Variants in PMFBP1 observed in about 807,000 individuals in gnomAD.
PMFBP1 encodes polyamine modulated factor 1 binding protein 1.
A neutral mutation model predicts 137.8 loss-of-function variants in PMFBP1; 131 were observed. That is an observed-to-expected ratio of 0.95 (90% CI 0.82 to 1.10). The LOEUF is 1.10. Ranked by LOEUF, PMFBP1 falls within the 50% of genes least tolerant of loss-of-function variation. The pLI, the probability that PMFBP1 is intolerant of heterozygous loss-of-function variation, is 0.00. For missense variants in PMFBP1, 1,199 were observed against 1,175.4 expected, an observed-to-expected ratio of 1.02 and a Z score of -0.29; for synonymous variants, 490 against 450.4, an observed-to-expected ratio of 1.09 and a Z score of -1.11.
the PMFBP1 span, among the ~76,000 whole-genome samples, chr16:72,213,430 C>T: frequency 9.9e-5 from 15 of 152,268 alleles, no homozygotes; most frequent in African/African-American, 3.4e-4. Flanking sequence ...TGAAGCCAGC[C>T]GTCAAGTTGT....
the PMFBP1 span, among the ~76,000 whole-genome samples, chr16:72,215,943 C>T: frequency 3.9e-5 from 6 of 152,220 alleles, no homozygotes; most frequent in African/African-American, 1.2e-4. Context: ...TATATAGATG[C>T]TACTGTTCAC....
chr16:72,233,941 T>A, the PMFBP1 span, among the ~76,000 whole-genome samples: 1 of 152,182 alleles, frequency 6.6e-6, no homozygotes, highest in South Asian at 2.1e-4. Flanking sequence ...CCAAATAATA[T>A]TCCATTGTAT....
At chr16:72,230,263 C>T in the PMFBP1 span, among the ~76,000 whole-genome samples, 2 of 152,124 alleles carry the variant, frequency 1.3e-5, no homozygotes, top group Admixed American at 1.3e-4. Context: ...AGTGTTCATA[C>T]ACAAACCATT....
chr16:72,171,834 G>C (rs1163382686), intron 1 of PMFBP1: 4 of 152,230 alleles, frequency 2.6e-5, no homozygotes, highest in Admixed American at 6.5e-5. Context: ...TGAAGCATCA[G>C]CTTGCCATAA....
At chr16:72,162,623 G>C (rs531278076) in intron 3 of PMFBP1, among the ~76,000 whole-genome samples, 2 of 152,226 alleles carry the variant, frequency 1.3e-5, no homozygotes, top group African/African-American at 4.8e-5. Flanking sequence ...TCTAATTGTG[G>C]ATTTGTATGC....
intron 17 of PMFBP1, 90 bp downstream of exon 17, chr16:72,124,677 C>T: frequency 2.7e-6 from 4 of 1,484,268 alleles, no homozygotes; most frequent in Non-Finnish European, 9.1e-7. Flanking sequence ...GGCTCTCCCA[C>T]CCCCACCAAG....
chr16:72,197,312 G>C, the PMFBP1 span, among the ~76,000 whole-genome samples: 6 of 152,178 alleles, frequency 3.9e-5, no homozygotes, highest in Non-Finnish European at 7.3e-5. Flanking sequence ...GCTTGACTAA[G>C]GTAAAAAAGC....
intron 9 of PMFBP1, among the ~76,000 whole-genome samples, chr16:72,135,740 G>GTTTTTTTTTTT (rs869189990): frequency 3.0e-5 from 2 of 66,816 alleles, no homozygotes; most frequent in African/African-American, 6.5e-5. Context: ...TAATTTTTCT[G>GTTTTTTTTTTT]TTTTTTTTTT....
At chr16:72,171,090 T>G (rs2043213981) in intron 2 of PMFBP1, 107 bp downstream of exon 2, 371 of 1,315,934 alleles carry the variant, frequency 2.8e-4, no homozygotes, top group Non-Finnish European at 3.7e-4. Flanking sequence ...CCTCTGTCCA[T>G]GATATTTTGT....
At chr16:72,126,966 T>G (rs1025097871) in intron 14 of PMFBP1, among the ~76,000 whole-genome samples, 5 of 152,236 alleles carry the variant, frequency 3.3e-5, no homozygotes, top group South Asian at 2.1e-4. Context: ...GGGCTTTGTT[T>G]TACTATACGA....
chr16:72,245,468 T>C, the PMFBP1 span, among the ~76,000 whole-genome samples: 1 of 152,182 alleles, frequency 6.6e-6, no homozygotes, highest in Admixed American at 6.5e-5. Flanking sequence ...CGCTGTAGTT[T>C]AGTAAACCAT....
At chr16:72,184,386 C>T in the PMFBP1 span, among the ~76,000 whole-genome samples, 1 of 152,232 alleles carries the variant, frequency 6.6e-6, no homozygotes, top group Non-Finnish European at 1.5e-5. Flanking sequence ...CTCTCCAACA[C>T]TAAATCTGTA....
the PMFBP1 span, among the ~76,000 whole-genome samples, chr16:72,238,521 G>T: frequency 3.9e-5 from 6 of 152,036 alleles, no homozygotes; most frequent in Non-Finnish European, 8.8e-5. Flanking sequence ...TTGTAAATTT[G>T]TTTAAGTTCC....
intron 3 of PMFBP1, among the ~76,000 whole-genome samples, chr16:72,158,831 TA>T (rs998838961): frequency 6.6e-6 from 1 of 151,850 alleles, no homozygotes; most frequent in African/African-American, 2.4e-5. Context: ...ACCATCTTTA[TA>T]AAAAGTAAAA....
At chr16:72,167,170 G>A (rs1364102828) in intron 2 of PMFBP1, among the ~76,000 whole-genome samples, 1 of 152,224 alleles carries the variant, frequency 6.6e-6, no homozygotes. Flanking sequence ...AAGGCCGAGG[G>A]GGGCCGGAGG....
At chr16:72,239,875 A>T in the PMFBP1 span, among the ~76,000 whole-genome samples, 2 of 136,654 alleles carry the variant, frequency 1.5e-5, no homozygotes, top group East Asian at 4.2e-4. Context: ...ACAGAGAGAG[A>T]CTCCATGTAC....
chr16:72,202,100 A>C, the PMFBP1 span, among the ~76,000 whole-genome samples: 1 of 152,220 alleles, frequency 6.6e-6, no homozygotes, highest in Non-Finnish European at 1.5e-5. Context: ...TATCTTGTAC[A>C]CAAAAGGTGC....
At position 72,136,451 on chromosome 16, in the gene PMFBP1, G is replaced by T; in HGVS notation, c.1200C>A (p.Asp400Glu). 6.2e-7 allele frequency: 1 copy of T among 1,613,066 alleles called. No individual in the cohort carries two copies. Among genetic ancestry groups the T allele is most frequent in the Non-Finnish European group, 8.5e-7 (1 of 1,179,580 alleles). Residue 400 changes from aspartate (D) to glutamate (E), a missense_variant, in exon 9 of 21, where the codon GAC (aspartate) becomes GAA (glutamate). Asp to Glu is a conservative substitution (Grantham distance 45). Coordinates refer to ENST00000237353, the MANE Select transcript of PMFBP1 (RefSeq NM_031293.3). ...TETQKLTLKK[D>E]KFLQEKDEML... is the part of the protein sequence containing the mutation. ...CAACCAGAGTTCCTCACTTTACCTTGTCTTTCTTCAAAGTGAGCTTTTGGG... is the reference window on the plus strand; with the variant it reads ...CAACCAGAGTTCCTCACTTTACCTTTTCTTTCTTCAAAGTGAGCTTTTGGG...
the PMFBP1 span, among the ~76,000 whole-genome samples, chr16:72,219,552 CGG>C: frequency 8.3e-5 from 11 of 133,328 alleles, no homozygotes; most frequent in Admixed American, 1.4e-4. Context: ...TCAATGTGGG[CGG>C]GGGGGCCTGT....
Sources: allele counts gnomAD v4.1 joint callset (sites outside exome capture counted in the v4.1 genomes callset), GRCh38; gene constraint gnomAD v4.1.1; transcripts MANE v1.5; gene names NCBI Gene and HGNC (gene_info 2026-07-23, HGNC 2026-07-21).